AGAP9: variants seen among roughly 807,000 people sequenced by gnomAD.
AGAP9 encodes arf-GAP with GTPase, ANK repeat and PH domain-containing protein 9.
Under a neutral mutation model 55.6 loss-of-function variants are expected in AGAP9, and 23 were observed. The ratio of observed to expected loss-of-function variants is 0.41; its 90% CI spans 0.30 to 0.59. The LOEUF (loss-of-function observed/expected upper bound fraction) is 0.59, where lower values mean the gene tolerates loss of function less well. Ranked by LOEUF, AGAP9 falls within the 20% of genes least tolerant of loss-of-function variation. The probability of loss-of-function intolerance (pLI) is 0.25; values close to 1 mark genes in which losing one functional copy is unlikely to be tolerated. For missense variants in AGAP9, 309 were observed against 808.1 expected (o/e 0.38, Z 7.49); for synonymous variants, 120 against 305.0 (o/e 0.39, Z 6.32).
chr10:47,515,791 T>C (rs1840705505), intron 4 of AGAP9, among the ~76,000 whole-genome samples: 1 of 132,700 alleles, frequency 7.5e-6, no homozygotes, highest in Non-Finnish European at 1.6e-5. Flanking sequence ...TCAGTAAAGA[T>C]CCCCAGATAA....
intron 6 of AGAP9, among the ~76,000 whole-genome samples, chr10:47,506,694 C>T (rs1840485689): frequency 7.0e-6 from 1 of 143,518 alleles, no homozygotes. Flanking sequence ...GGCTGCAGTG[C>T]AATGGCACGA....
At chr10:47,522,007 G>A (rs1239192956) in intron 2 of AGAP9, among the ~76,000 whole-genome samples, 4 of 150,076 alleles carry the variant, frequency 2.7e-5, no homozygotes, top group African/African-American at 7.5e-5. Context: ...GGCTGGTCTC[G>A]AACTCCTGAC....
Position 47,506,404 on chromosome 10 carries a change from C to T in AGAP9, c.533+1144G>A, listed in dbSNP as rs1412893137. On this transcript the variant is annotated intron_variant, in intron 6 of 7. Coordinates refer to ENST00000452145, the MANE Select transcript of AGAP9 (RefSeq NM_001190810.1). The stretch of plus-strand genomic sequence containing the variant: ...GGGGTGCAATGGCAAGATCTCGGCT[C>T]ACTGCAACCTCCACCTCCCAGGCTC... Among the ~76,000 whole-genome samples, 5 of 139,812 alleles carry T rather than the reference C, an allele frequency of 3.6e-5. 1 individual carries two copies. The East Asian group carries it at 1.4e-3, about 40-fold the overall frequency. 91.7% of individuals were successfully genotyped at this position (139,812 alleles called of 152,430 possible).
intron 4 of AGAP9, among the ~76,000 whole-genome samples, chr10:47,516,684 A>G (rs1840721514): frequency 7.4e-6 from 1 of 135,430 alleles, no homozygotes. Flanking sequence ...CTAGGATGAC[A>G]AAAGGCCAAA....
At chr10:47,507,955 T>C (rs1256369142) in intron 5 of AGAP9, among the ~76,000 whole-genome samples, 2 of 99,898 alleles carry the variant, frequency 2.0e-5, no homozygotes, top group African/African-American at 7.5e-5. Context: ...ACTGCAGTGG[T>C]GCCATCTTGA....
chr10:47,502,285 A>G lies in AGAP9; in HGVS notation c.1844T>C (p.Val615Ala). The G allele has an allele frequency of 1.3e-6, 2 of 1,599,964 alleles. No homozygotes were observed. Among genetic ancestry groups the G allele is most frequent in the Non-Finnish European group, 1.7e-6 (2 of 1,176,664 alleles). The change falls in exon 8 of 8, where the codon GTG becomes GCG. Residue 615 changes from valine to alanine, a missense_variant. Val to Ala is a moderately conservative substitution (Grantham distance 64, BLOSUM62 0). Transcript: ENST00000452145. ...LLLAHGSREE[V>A]NETCGEGDGC... ...GTCTCCCTCCCCACAGGTCTCGTTC[A>G]CCTCCTCACGGGAGCCATGTGCCAG...
At chr10:47,517,567 C>A (rs1427266998) in intron 4 of AGAP9, among the ~76,000 whole-genome samples, 9 of 142,664 alleles carry the variant, frequency 6.3e-5, no homozygotes, top group African/African-American at 2.1e-4. Flanking sequence ...CCACCATGCC[C>A]AGCCTTAAGG....
chr10:47,521,318 C>T (rs1840830247), intron 2 of AGAP9, among the ~76,000 whole-genome samples: 1 of 140,152 alleles, frequency 7.1e-6, no homozygotes, highest in African/African-American at 2.7e-5. Context: ...TAAGTTTATA[C>T]AAGTACTTAC....
rs1555224928 is a variant in AGAP9, at chr10:47,503,465, G to T, written c.664C>A (p.Pro222Thr). The change falls in exon 8 of 8, where the codon CCC (proline) becomes ACC (threonine). Residue 222 changes from proline (P) to threonine (T), a missense_variant. By Grantham distance (38) the Pro-to-Thr change is conservative. Coordinates refer to ENST00000452145, the MANE Select transcript of AGAP9 (RefSeq NM_001190810.1). Reference sequence around the variant, plus strand: ...TGAGGGTCCTCCTGGCTGGTGCTGGGAGTCGGTGGAATGGAGGAGGAATAG... The same window carrying T: ...TGAGGGTCCTCCTGGCTGGTGCTGGTAGTCGGTGGAATGGAGGAGGAATAG... ...NNYSSSIPPT[P>T]STSQEDPQFS... 5 of 1,609,080 alleles carry T rather than the reference G, an allele frequency of 3.1e-6. No homozygotes were observed. Among genetic ancestry groups the T allele is most frequent in the Non-Finnish European group, 3.4e-6 (4 of 1,179,530 alleles).
At chr10:47,505,922 TC>T (rs1317507737) in intron 6 of AGAP9, among the ~76,000 whole-genome samples, 1 of 139,698 alleles carries the variant, frequency 7.2e-6, no homozygotes, top group Non-Finnish European at 1.5e-5. Context: ...ACGTATTTGT[TC>T]CCAATGATAA....
Position 47,503,014 on chromosome 10 carries a change from C to G in AGAP9, c.1115G>C (p.Gly372Ala). The G allele has an allele frequency of 6.2e-7, 1 of 1,605,810 alleles. No homozygotes were observed. Among genetic ancestry groups the G allele is most frequent in the South Asian group, 1.1e-5 (1 of 90,832 alleles). Reference protein sequence around the residue: ...GLSKDMDTGLGDSICFSPGIS... With the variant: ...GLSKDMDTGLADSICFSPGIS... ...ACCGGGGCTGAAGCATATGGAGTCACCCAGCCCGGTGTCCATGTCCTTGGA... is the reference window on the plus strand; with the variant it reads ...ACCGGGGCTGAAGCATATGGAGTCAGCCAGCCCGGTGTCCATGTCCTTGGA... The change falls in exon 8 of 8, where the codon GGT (glycine) becomes GCT (alanine). Residue 372 changes from glycine to alanine, a missense_variant. Physicochemically the swap from Gly to Ala is moderately conservative, Grantham distance 60 (BLOSUM62 0). Coordinates refer to ENST00000452145, the MANE Select transcript of AGAP9 (RefSeq NM_001190810.1).
At chr10:47,510,521 C>T (rs1840586191) in intron 4 of AGAP9, among the ~76,000 whole-genome samples, 1 of 127,216 alleles carries the variant, frequency 7.9e-6, no homozygotes, top group African/African-American at 3.0e-5. Flanking sequence ...TATGAATTAC[C>T]GTTAAAAATA....
At position 47,506,770 on chromosome 10, in the gene AGAP9, C is replaced by A. The variant is rs1220797199; in HGVS notation, c.533+778G>T. Reference sequence around the variant, plus strand: ...TTCTCCTGCCTCAGCCTCCAGAATACGTGGGACTACAGGTGCGTGCCACCA... The same window carrying A: ...TTCTCCTGCCTCAGCCTCCAGAATAAGTGGGACTACAGGTGCGTGCCACCA... On this transcript the variant is annotated intron_variant, in intron 6 of 7. Transcript: ENST00000452145. 3.5e-5 allele frequency among the ~76,000 whole-genome samples: 5 copies of A among 144,610 alleles called. No homozygotes were observed. In the Admixed American group the frequency reaches 3.5e-4, roughly 10 times the overall value. The allele number at this position is 144,610 out of a possible 152,430, so 94.9% of individuals were successfully genotyped here.
chr10:47,523,278 GT>G (rs1840887214), intron 1 of AGAP9, 25 bp downstream of exon 1: 1 of 1,576,144 alleles, frequency 6.3e-7, no homozygotes, highest in Non-Finnish European at 8.5e-7. Flanking sequence ...CAAACCGAGG[GT>G]AGATGGCACC....
chr10:47,522,417 C>T (rs1404393664), intron 2 of AGAP9, among the ~76,000 whole-genome samples: 1 of 150,170 alleles, frequency 6.7e-6, no homozygotes, highest in Non-Finnish European at 1.5e-5. Context: ...CAAACACACA[C>T]ACACAACCAT....
rs1169886882 is a variant in AGAP9 at position 47,522,234 on chromosome 10, C to T, written c.292+632G>A. 2.2e-3 allele frequency among the ~76,000 whole-genome samples: 306 copies of T among 141,882 alleles called. 29 individuals carry two copies. The highest frequency in any genetic ancestry group is 7.6e-3 in the African/African-American group (289 of 37,794). 93.1% of individuals were successfully genotyped at this position (141,882 alleles called of 152,430 possible). A position where few individuals can be genotyped will look rare whatever the true frequency, so the allele number is the denominator to read the frequency against. On this transcript the variant is annotated intron_variant, in intron 2 of 7. Coordinates refer to ENST00000452145, the MANE Select transcript of AGAP9 (RefSeq NM_001190810.1). Reference sequence around the variant, plus strand: ...ATTACACATTAAAAGTCTACGTTGACGTTTCATGTCTTTTGAAAGTTTTGA... The same window carrying T: ...ATTACACATTAAAAGTCTACGTTGATGTTTCATGTCTTTTGAAAGTTTTGA...
At chr10:47,508,179 C>T (rs1786551950) in intron 5 of AGAP9, among the ~76,000 whole-genome samples, 1 of 85,036 alleles carries the variant, frequency 1.2e-5, no homozygotes, top group East Asian at 6.2e-4. Context: ...ATTCTCCTGC[C>T]TCAGCCTCCC....
At chr10:47,518,786 T>G (rs1331636942) in intron 3 of AGAP9, among the ~76,000 whole-genome samples, 4 of 134,296 alleles carry the variant, frequency 3.0e-5, no homozygotes, top group Non-Finnish European at 6.2e-5. Flanking sequence ...ATCATTTTTT[T>G]TCCTCTAAAA....
chr10:47,513,275 C>T (rs1218183227), intron 4 of AGAP9, among the ~76,000 whole-genome samples: 27 of 143,890 alleles, frequency 1.9e-4, no homozygotes, highest in African/African-American at 3.8e-4. Flanking sequence ...CCTCATGATC[C>T]GTCCGCCTCA....
Sources: gnomAD v4.1 joint callset for allele counts (sites outside exome capture counted in the v4.1 genomes callset) on GRCh38, gnomAD v4.1.1 for gene constraint, MANE v1.5 for transcripts, NCBI Gene and HGNC (gene_info 2026-07-23, HGNC 2026-07-21) for gene names.